Variants in NAV1 observed in about 807,000 individuals in gnomAD.
NAV1 encodes neuron navigator 1.
Under a neutral mutation model 175.2 loss-of-function variants are expected in NAV1, and 18 were observed. The ratio of observed to expected loss-of-function variants is 0.10; its 90% CI spans 0.07 to 0.15. The LOEUF is 0.15. Ranked by LOEUF, NAV1 falls within the 10% of genes least tolerant of loss-of-function variation. The pLI is 1.00. For synonymous variants in NAV1, 897 were observed against 978.7 expected, an observed-to-expected ratio of 0.92 and a Z score of 1.56; for missense variants, 1,731 against 2,436.6, an observed-to-expected ratio of 0.71 and a Z score of 6.10.
chr1:201,658,215 A>C (rs1226530734), intron 1 of NAV1, among the ~76,000 whole-genome samples: 2 of 152,142 alleles, frequency 1.3e-5, no homozygotes, highest in African/African-American at 4.8e-5. Flanking sequence ...GTGCTTCCTG[A>C]GACTGAAGTT....
At chr1:201,541,036 T>C (rs1665499239) in intron 1 of NAV1, among the ~76,000 whole-genome samples, 1 of 152,204 alleles carries the variant, frequency 6.6e-6, no homozygotes, top group Non-Finnish European at 1.5e-5. Context: ...CAGCCCCTGA[T>C]CTGAACTTCT....
chr1:201,716,336 C>CA (rs1304297050), intron 2 of NAV1, among the ~76,000 whole-genome samples: 3 of 152,214 alleles, frequency 2.0e-5, no homozygotes, highest in African/African-American at 4.8e-5. Flanking sequence ...TTTTTACTCA[C>CA]ACATCCATCG....
intron 1 of NAV1, among the ~76,000 whole-genome samples, chr1:201,709,394 T>TA (rs950739396): frequency 6.6e-6 from 1 of 152,138 alleles, no homozygotes; most frequent in African/African-American, 2.4e-5. Context: ...AGCTAAAATA[T>TA]AAAAATTCAC....
intron 3 of NAV1, among the ~76,000 whole-genome samples, chr1:201,731,021 A>G (rs1440503744): frequency 6.6e-6 from 1 of 152,174 alleles, no homozygotes; most frequent in African/African-American, 2.4e-5. Flanking sequence ...AGGAAAAGGC[A>G]TAAAAGTATA....
chr1:201,674,267 A>T (rs1332572975), intron 1 of NAV1: 1 of 152,244 alleles, frequency 6.6e-6, no homozygotes, highest in African/African-American at 2.4e-5. Context: ...CTAAAATCAA[A>T]AAGTATTTTG....
At chr1:201,696,949 T>C (rs1671218304) in intron 1 of NAV1, among the ~76,000 whole-genome samples, 1 of 152,240 alleles carries the variant, frequency 6.6e-6, no homozygotes, top group Non-Finnish European at 1.5e-5. Context: ...TTCCTTCCCT[T>C]CTTGCCTCAG....
chr1:201,704,701 GT>G (rs2102452030), intron 1 of NAV1, among the ~76,000 whole-genome samples: 1 of 152,340 alleles, frequency 6.6e-6, no homozygotes, highest in African/African-American at 2.4e-5. Context: ...CACTGTGGGG[GT>G]TTGCAAAGAT....
At chr1:201,651,313 G>A (rs1669197849) in intron 1 of NAV1, among the ~76,000 whole-genome samples, 1 of 152,058 alleles carries the variant, frequency 6.6e-6, no homozygotes, top group Non-Finnish European at 1.5e-5. Flanking sequence ...CCCTCACACT[G>A]TCCCAGAAGC....
intron 3 of NAV1, among the ~76,000 whole-genome samples, chr1:201,733,018 C>G (rs1412967728): frequency 2.0e-5 from 3 of 152,048 alleles, no homozygotes; most frequent in African/African-American, 7.2e-5. Flanking sequence ...TTGCAGTGAG[C>G]TGAGATCATA....
chr1:201,726,297 T>C (rs1166027467), intron 3 of NAV1, among the ~76,000 whole-genome samples: 2 of 152,160 alleles, frequency 1.3e-5, no homozygotes, highest in Non-Finnish European at 2.9e-5. Flanking sequence ...GAGGATCAAA[T>C]GGAAAAGAAT....
chr1:201,644,672 T>C (rs779481652), upstream of NAV1, among the ~76,000 whole-genome samples: 2 of 152,214 alleles, frequency 1.3e-5, no homozygotes, highest in African/African-American at 2.4e-5. Flanking sequence ...TGACATTTCA[T>C]GCAGGACAGA....
chr1:201,737,845 T>C (rs1673180437), intron 3 of NAV1, among the ~76,000 whole-genome samples: 1 of 152,216 alleles, frequency 6.6e-6, no homozygotes, highest in Admixed American at 6.5e-5. Flanking sequence ...AAAGTCATTT[T>C]ACTCAGGATT....
intron 2 of NAV1, among the ~76,000 whole-genome samples, chr1:201,715,279 G>A (rs1672092821): frequency 1.3e-5 from 2 of 151,122 alleles, no homozygotes; most frequent in East Asian, 1.9e-4. Context: ...TTCTGCCTCA[G>A]CCTCTGAAGT....
chr1:201,718,430 C>A lies in NAV1; in HGVS notation c.901C>A (p.Pro301Thr). 2 of 1,553,066 alleles carry A rather than the reference C, an allele frequency of 1.3e-6. No individual in the cohort carries two copies. The highest frequency in any genetic ancestry group is 1.7e-6 in the Non-Finnish European group (2 of 1,143,724). The change falls in exon 3 of 30, where the codon CCA becomes ACA. Residue 301 changes from proline (P) to threonine (T), a missense_variant. By Grantham distance (38) the Pro-to-Thr change is conservative. This residue lies in a region of NAV1 where 487 missense variants were observed against 581.3 expected (regional missense o/e 0.84). Coordinates refer to ENST00000367296, the Ensembl canonical transcript of NAV1. This position sits in a 1 kb window ranked among gnomAD's most constrained non-coding sequence, Gnocchi z 4.8. The stretch of plus-strand genomic sequence containing the variant: ...CTGCTACGACAGCGATGATGCCAAC[C>A]CACGCAGCGTGTCCAGCCTCTCCAA...
upstream of NAV1, among the ~76,000 whole-genome samples, chr1:201,647,622 C>G (rs1669017060): frequency 6.6e-6 from 1 of 152,146 alleles, no homozygotes; most frequent in Non-Finnish European, 1.5e-5. Context: ...TAGGCCCCTT[C>G]TCTCCAAGCC....
intron 3 of NAV1, among the ~76,000 whole-genome samples, chr1:201,772,796 G>A (rs1046843286): frequency 6.6e-6 from 1 of 152,114 alleles, no homozygotes; most frequent in Non-Finnish European, 1.5e-5. Context: ...CACTTTGGGA[G>A]GCCAAGGCGG....
chr1:201,644,043 C>A (rs575935305), upstream of NAV1, among the ~76,000 whole-genome samples: 2 of 152,268 alleles, frequency 1.3e-5, no homozygotes, highest in African/African-American at 4.8e-5. Context: ...ATGAGCTGGT[C>A]TTTGGGGCGC....
chr1:201,540,670 T>C (rs567517654), intron 1 of NAV1, among the ~76,000 whole-genome samples: 86 of 152,320 alleles, frequency 5.6e-4, no homozygotes, highest in African/African-American at 2.0e-3. Context: ...GTCTTTGGGA[T>C]TGACCTAAGA....
chr1:201,700,660 C>T (rs1428279148), intron 1 of NAV1, among the ~76,000 whole-genome samples: 2 of 152,132 alleles, frequency 1.3e-5, no homozygotes, highest in Admixed American at 1.3e-4. Flanking sequence ...GCACTATTCA[C>T]AATAGCAAAG....
Sources: gnomAD v4.1 joint callset for allele counts (sites outside exome capture counted in the v4.1 genomes callset) on GRCh38, gnomAD v4.1.1 for gene constraint, gnomAD v4.1.1 regional missense constraint, Gnocchi (gnomAD v3.1) non-coding constraint, MANE v1.5 for transcripts, NCBI Gene and HGNC (gene_info 2026-07-23, HGNC 2026-07-21) for gene names.